COQ8B: variants seen among roughly 807,000 people sequenced by gnomAD.
COQ8B encodes the protein coenzyme Q8B.
COQ8B carries 44 observed loss-of-function variants against 62.0 expected under a neutral mutation model. The observed-to-expected ratio is 0.71, with a 90% CI of 0.56 to 0.91. COQ8B has a LOEUF of 0.91. COQ8B is among the 40% of genes least tolerant of loss of function. The pLI is 0.00. For synonymous variants in COQ8B, 252 were observed against 289.9 expected (o/e 0.87, Z 1.33); for missense variants, 649 against 731.6 (o/e 0.89, Z 1.30).
chr19:40,713,089 C>T (rs911983266), intron 4 of COQ8B, among the ~76,000 whole-genome samples: 3 of 152,166 alleles, frequency 2.0e-5, no homozygotes, highest in African/African-American at 7.2e-5. Context: ...TCCCGGGCAC[C>T]GTGGCTCACA....
chr19:40,694,946 G>A (rs867247781), intron 13 of COQ8B, among the ~76,000 whole-genome samples: 3 of 152,130 alleles, frequency 2.0e-5, no homozygotes, highest in African/African-American at 7.2e-5. Flanking sequence ...TGTGAGGAGG[G>A]GCCTAGGCTG....
rs765356587 is a variant in COQ8B, at chr19:40,714,513, T to G, written c.102+18A>C. 1.2e-6 allele frequency: 2 copies of G among 1,613,344 alleles called. No homozygotes were observed. The highest frequency in any genetic ancestry group is 2.2e-5 in the South Asian group (2 of 91,032). On this transcript the variant is annotated intron_variant, in intron 2 of 14. Coordinates refer to ENST00000324464, the MANE Select transcript of COQ8B (RefSeq NM_024876.4). ...CCTCAGCCTCTTCCCCTTGGGGACC[T>G]GCTCCCTAGCCTCTTACCCAGCGGT...
intron 5 of COQ8B, among the ~76,000 whole-genome samples, chr19:40,706,044 A>C (rs2082098727): frequency 1.3e-5 from 2 of 152,240 alleles, no homozygotes; most frequent in South Asian, 4.1e-4. Context: ...CTATCACTAC[A>C]CACAACAGCC....
chr19:40,707,721 C>A (rs1361531616), intron 5 of COQ8B, among the ~76,000 whole-genome samples: 1 of 152,200 alleles, frequency 6.6e-6, no homozygotes, highest in African/African-American at 2.4e-5. Context: ...TGCCAAAGTG[C>A]TGGGATTACA....
At chr19:40,698,148 G>A (rs2082033812) in intron 12 of COQ8B, among the ~76,000 whole-genome samples, 1 of 145,308 alleles carries the variant, frequency 6.9e-6, no homozygotes, top group Non-Finnish European at 1.5e-5. Context: ...CCTGGGAGGC[G>A]GAGGGTGCAG....
At chr19:40,715,108 G>T in intron 1 of COQ8B, 1 of 987,310 alleles carries the variant, frequency 1.0e-6, no homozygotes. Flanking sequence ...GTGCTTCCGG[G>T]AGCCTCTGTA....
At position 40,691,725 on chromosome 19, in the gene COQ8B, CT is replaced by C. The variant is rs2081973599; in HGVS notation, c.*309del. On this transcript the variant is annotated 3_prime_UTR_variant, in exon 15 of 15. Transcript: ENST00000324464. ...CTTGAGGCAGAGGTGAGGGCTCCCC[CT>C]GATGAGTCTGATCTGCATAACGACA... The C allele has an allele frequency of 8.0e-6, 2 of 248,512 alleles. No homozygotes were observed. The highest frequency in any genetic ancestry group is 1.5e-4 in the South Asian group (1 of 6,708). The allele number at this position is 248,512 out of a possible 1,614,324, so 15.4% of individuals were successfully genotyped here.
chr19:40,710,177 G>T (rs763260714), intron 4 of COQ8B, 41 bp from the exon 5 acceptor site: 4 of 1,591,214 alleles, frequency 2.5e-6, no homozygotes, highest in African/African-American at 1.3e-5. Context: ...GTTTGCCTGG[G>T]GTGCCCCCAG....
intron 12 of COQ8B, among the ~76,000 whole-genome samples, chr19:40,698,461 C>T (rs1049483669): frequency 2.0e-5 from 3 of 151,858 alleles, no homozygotes; most frequent in Non-Finnish European, 4.4e-5. Context: ...TTTCTCGAAC[C>T]CCAGAGGCAG....
chr19:40,696,006 T>C lies in COQ8B; in HGVS notation c.1192A>G (p.Thr398Ala). The C allele has an allele frequency of 1.9e-6, 3 of 1,614,196 alleles. No homozygotes were observed. The highest frequency in any genetic ancestry group is 4.5e-5 in the East Asian group (2 of 44,878). Residue 398 changes from threonine (T) to alanine (A), a missense_variant, in exon 13 of 15, where the codon ACA becomes GCA. Physicochemically the swap from Thr to Ala is moderately conservative, Grantham distance 58 (BLOSUM62 0). Coordinates refer to ENST00000324464, the MANE Select transcript of COQ8B (RefSeq NM_024876.4). Reference protein sequence around the residue: ...GASREFGTEFTDHYIEVVKAA... With the variant: ...GASREFGTEFADHYIEVVKAA... ...AGACTCACCTCGATGTAATGGTCTGTGAACTCTGTCCCAAACTCCCGGCTT... is the reference window on the plus strand; with the variant it reads ...AGACTCACCTCGATGTAATGGTCTGCGAACTCTGTCCCAAACTCCCGGCTT...
rs748261621 is a variant in COQ8B at position 40,703,524 on chromosome 19, G to A, written c.799+17C>T. 3.8e-6 allele frequency: 6 copies of A among 1,590,312 alleles called. No homozygotes were observed. The highest frequency in any genetic ancestry group is 5.1e-6 in the Non-Finnish European group (6 of 1,166,768). On this transcript the variant is annotated intron_variant, in intron 9 of 14. Coordinates refer to ENST00000324464, the MANE Select transcript of COQ8B (RefSeq NM_024876.4). Reference sequence around the variant, plus strand: ...GCCCCTTTGGGAGGTCAGCAGAGGAGTGGGTGGGCGCCTCACCCGCGGGCA... The same window carrying A: ...GCCCCTTTGGGAGGTCAGCAGAGGAATGGGTGGGCGCCTCACCCGCGGGCA...
rs766495150 is a variant in COQ8B, at chr19:40,705,113, G to A, written c.559C>T (p.Pro187Ser). The change falls in exon 7 of 15, where the codon CCC becomes TCC. Residue 187 changes from proline (P) to serine (S), a missense_variant. By Grantham distance (74) the Pro-to-Ser change is moderately conservative. Coordinates refer to ENST00000324464, the MANE Select transcript of COQ8B (RefSeq NM_024876.4). ...GCACTCACCAGCATCTGCCAGCGGG[G>A]CATGAAGTCGGCGCTCTGGCGGACC... The part of the protein sequence containing the change: ...ERVRQSADFM[P>S]RWQMLRVLEE... The A allele has an allele frequency of 3.1e-6, 5 of 1,610,332 alleles. No individual in the cohort carries two copies. The highest frequency in any genetic ancestry group is 4.5e-5 in the East Asian group (2 of 44,738).
At position 40,712,683 on chromosome 19, in the gene COQ8B, CAA is replaced by C. The variant is rs374045302; in HGVS notation, c.289+1382_289+1383del. ...AGACCAAGGTATATGTTTCACGAAACAAGACTTTCCCTTGCTCTACAGGTGCA... is the reference window on the plus strand; with the variant it reads ...AGACCAAGGTATATGTTTCACGAAACGACTTTCCCTTGCTCTACAGGTGCA... On this transcript the variant is annotated intron_variant, in intron 4 of 14. Transcript: ENST00000324464. 7.9e-5 allele frequency among the ~76,000 whole-genome samples: 12 copies of C among 152,306 alleles called. No homozygotes were observed. The East Asian group carries it at 2.1e-3, about 27-fold the overall frequency.
chr19:40,714,467 C>T, intron 2 of COQ8B, 64 bp downstream of exon 2: 1 of 1,613,464 alleles, frequency 6.2e-7, no homozygotes, highest in Non-Finnish European at 8.5e-7. Context: ...CCCCTCCTGT[C>T]CTTTTACCCT....
rs1416108274 is a variant in COQ8B at position 40,692,034 on chromosome 19, G to A, written c.*1C>T. 8.8e-6 allele frequency: 14 copies of A among 1,596,622 alleles called. No homozygotes were observed. Among genetic ancestry groups the A allele is most frequent in the Non-Finnish European group, 1.2e-5 (14 of 1,171,774 alleles). On this transcript the variant is annotated 3_prime_UTR_variant, in exon 15 of 15. Coordinates refer to ENST00000324464, the MANE Select transcript of COQ8B (RefSeq NM_024876.4). Reference sequence around the variant, plus strand: ...GGGGACTGAATCCCCCATGGAGGCTGTCATGAGGGATCCACCCAGGAGTCC... The same window carrying A: ...GGGGACTGAATCCCCCATGGAGGCTATCATGAGGGATCCACCCAGGAGTCC...
At chr19:40,714,838 T>TC (rs1380138845) in intron 1 of COQ8B, 2 of 1,324,704 alleles carry the variant, frequency 1.5e-6, no homozygotes, top group South Asian at 2.0e-5. Context: ...AAACCCACTT[T>TC]CCCCCCTCTC....
intron 13 of COQ8B, among the ~76,000 whole-genome samples, chr19:40,694,757 T>C (rs1047876623): frequency 5.3e-5 from 8 of 152,202 alleles, no homozygotes; most frequent in African/African-American, 1.4e-4. Context: ...CCGAGCCTTT[T>C]CCCAGTTGGC....
At chr19:40,700,554 G>A (rs1233040498) in intron 10 of COQ8B, 103 bp from the exon 11 acceptor site, 11 of 1,390,920 alleles carry the variant, frequency 7.9e-6, no homozygotes, top group South Asian at 1.4e-5. Flanking sequence ...TGAACAGTCT[G>A]CGCCATGCCC....
At chr19:40,698,957 C>A (rs953722953) in intron 12 of COQ8B, among the ~76,000 whole-genome samples, 5 of 151,890 alleles carry the variant, frequency 3.3e-5, no homozygotes, top group Admixed American at 1.3e-4. Flanking sequence ...ACACTCTGCT[C>A]TCTGGATGGT....
Sources: allele counts gnomAD v4.1 joint callset (sites outside exome capture counted in the v4.1 genomes callset), GRCh38; gene constraint gnomAD v4.1.1; transcripts MANE v1.5; gene names NCBI Gene and HGNC (gene_info 2026-07-23, HGNC 2026-07-21).